Variants in KIAA1217 observed in about 807,000 individuals in gnomAD.
KIAA1217 encodes the protein KIAA1217, also known as sickle tail protein homolog.
In KIAA1217, 88 loss-of-function variants were observed where a neutral mutation model predicts 163.9. The ratio of observed to expected loss-of-function variants is 0.54; its 90% CI spans 0.45 to 0.64. The LOEUF is 0.64. Among genes scored for constraint, KIAA1217 ranks in the 30% least tolerant of loss-of-function variants. The probability of loss-of-function intolerance (pLI) is 0.00; values close to 1 mark genes in which losing one functional copy is unlikely to be tolerated. For synonymous variants in KIAA1217, 903 were observed against 923.1 expected (o/e 0.98, Z 0.39); for missense variants, 2,372 against 2,475.0 (o/e 0.96, Z 0.88).
At chr10:24,494,107 C>T (rs1041474959) in intron 6 of KIAA1217, among the ~76,000 whole-genome samples, 1 of 152,200 alleles carries the variant, frequency 6.6e-6, no homozygotes, top group African/African-American at 2.4e-5. Context: ...AGGTGTACGG[C>T]ATAGAAATGT....
rs933152140 is a variant in KIAA1217, at chr10:24,473,650, A to G, written c.1269A>G (p.Ala423=). 1.2e-6 allele frequency: 2 copies of G among 1,614,148 alleles called. No homozygotes were observed. Among genetic ancestry groups the G allele is most frequent in the Admixed American group, 3.3e-5 (2 of 60,024 alleles). ...HPLDVPDHII[A]YHRTAIRSAS... ...TGGATGTCCCCGACCACATCATTGC[A>G]TATCACCGCACCGCCATCCGGTCAG... is the stretch of plus-strand genomic sequence containing the variant. Residue 423 remains alanine, a synonymous_variant, in exon 6 of 21, where the codon GCA becomes GCG. Coordinates refer to ENST00000376454, the MANE Select transcript of KIAA1217 (RefSeq NM_019590.5).
chr10:24,174,179 A>G (rs1271809451), intron 2 of KIAA1217, among the ~76,000 whole-genome samples: 1 of 152,238 alleles, frequency 6.6e-6, no homozygotes, highest in East Asian at 1.9e-4. Flanking sequence ...GAATGGCAAT[A>G]GGACATGGAG....
At chr10:24,333,567 T>C (rs148936374) in intron 2 of KIAA1217, among the ~76,000 whole-genome samples, 1 of 152,332 alleles carries the variant, frequency 6.6e-6, no homozygotes, top group African/African-American at 2.4e-5. Flanking sequence ...TGGGTTTCTT[T>C]CTTAGCCCTG....
chr10:24,518,382 C>T (rs74816177), intron 10 of KIAA1217, among the ~76,000 whole-genome samples: 4,236 of 152,234 alleles, frequency 0.028, 75 homozygotes, highest in South Asian at 0.068. Flanking sequence ...TATCAATATA[C>T]ATTTCTGTAT....
intron 2 of KIAA1217, among the ~76,000 whole-genome samples, chr10:24,106,176 C>A (rs766492625): frequency 6.6e-6 from 1 of 151,990 alleles, no homozygotes; most frequent in Non-Finnish European, 1.5e-5. Flanking sequence ...AGTTGTCTGC[C>A]GTTGCCTCCT....
chr10:23,705,971 A>G (rs1165597857), intron 1 of KIAA1217, among the ~76,000 whole-genome samples: 2 of 152,140 alleles, frequency 1.3e-5, no homozygotes, highest in African/African-American at 4.8e-5. Flanking sequence ...TACATTTTAC[A>G]TAAATTTTGT....
intron 1 of KIAA1217, among the ~76,000 whole-genome samples, chr10:23,811,814 C>T (rs1187805124): frequency 6.6e-6 from 1 of 152,086 alleles, no homozygotes; most frequent in East Asian, 1.9e-4. Context: ...TCTCAGGTTT[C>T]TAAACCTGCT....
At chr10:24,073,755 G>A (rs937259192) in intron 2 of KIAA1217, among the ~76,000 whole-genome samples, 4 of 152,100 alleles carry the variant, frequency 2.6e-5, no homozygotes, top group African/African-American at 9.7e-5. Flanking sequence ...ACCAACTGGG[G>A]GAACTTCATG....
chr10:24,251,832 G>C, intron 2 of KIAA1217, among the ~76,000 whole-genome samples: 1 of 141,828 alleles, frequency 7.1e-6, no homozygotes, highest in East Asian at 2.1e-4. Context: ...AAGTCACTTG[G>C]TCCAAGTAAG....
chr10:23,765,187 C>CTCTTTTTTT (rs1834448899), intron 1 of KIAA1217, among the ~76,000 whole-genome samples: 4 of 75,356 alleles, frequency 5.3e-5, no homozygotes, highest in Non-Finnish European at 7.0e-5. Context: ...TTTTTGTTCT[C>CTCTTTTTTT]TTTTTTTTTT....
At chr10:24,060,089 C>G (rs2060665487) in intron 2 of KIAA1217, among the ~76,000 whole-genome samples, 1 of 151,772 alleles carries the variant, frequency 6.6e-6, no homozygotes, top group Admixed American at 6.6e-5. Flanking sequence ...TTTTCTTAGT[C>G]TAGCTAAAGG....
chr10:24,154,827 T>A (rs1564765128), intron 2 of KIAA1217, among the ~76,000 whole-genome samples: 2 of 151,424 alleles, frequency 1.3e-5, no homozygotes, highest in African/African-American at 2.4e-5. Flanking sequence ...GAATACTCCT[T>A]GAGGAAGGAG....
rs193101174 is a variant in KIAA1217, at chr10:24,247,351, T to C, written c.354+27442T>C. ...TGTTTTGCCCAGGCTGGTCTCGAAC[T>C]CCTCCTGGTCTCAAGCAATCCTCTC... is the stretch of plus-strand genomic sequence containing the variant. On this transcript the variant is annotated intron_variant, in intron 2 of 20. Coordinates refer to ENST00000376454, the MANE Select transcript of KIAA1217 (RefSeq NM_019590.5). Among the ~76,000 whole-genome samples the C allele has an allele frequency of 1.1e-4, 16 of 152,240 alleles. No homozygotes were observed. The East Asian group carries it at 3.1e-3, about 29-fold the overall frequency.
intron 2 of KIAA1217, among the ~76,000 whole-genome samples, chr10:24,283,905 C>CTT (rs144451438): frequency 2.3e-5 from 3 of 130,108 alleles, no homozygotes; most frequent in African/African-American, 5.2e-5. Context: ...TTTTCTTTTC[C>CTT]TTTATTTTTT....
At chr10:23,799,437 A>G (rs1416904640) in intron 1 of KIAA1217, among the ~76,000 whole-genome samples, 2 of 152,182 alleles carry the variant, frequency 1.3e-5, no homozygotes, top group South Asian at 2.1e-4. Context: ...AGTTGCTGCT[A>G]TTGTAATTGC....
At chr10:24,440,286 T>A (rs1367712018) in intron 5 of KIAA1217, among the ~76,000 whole-genome samples, 2 of 152,236 alleles carry the variant, frequency 1.3e-5, no homozygotes, top group Admixed American at 6.5e-5. Context: ...GACTAAATAT[T>A]ACAGCACCAT....
chr10:23,754,256 T>G (rs887944320), intron 1 of KIAA1217, among the ~76,000 whole-genome samples: 8 of 152,112 alleles, frequency 5.3e-5, no homozygotes, highest in Non-Finnish European at 1.2e-4. Flanking sequence ...GAGACAATCA[T>G]GTCAAAAAAG....
chr10:23,756,770 A>C (rs1212418660), intron 1 of KIAA1217, among the ~76,000 whole-genome samples: 2 of 152,256 alleles, frequency 1.3e-5, no homozygotes, highest in African/African-American at 4.8e-5. Flanking sequence ...CATGTATAAC[A>C]TAACATAATT....
intron 1 of KIAA1217, among the ~76,000 whole-genome samples, chr10:23,939,059 G>T (rs549951251): frequency 6.6e-6 from 1 of 152,242 alleles, no homozygotes; most frequent in South Asian, 2.1e-4. Context: ...ATAGTAGATA[G>T]GTTGTGCTAA....
Sources: gnomAD v4.1 joint callset for allele counts (sites outside exome capture counted in the v4.1 genomes callset) on GRCh38, gnomAD v4.1.1 for gene constraint, MANE v1.5 for transcripts, NCBI Gene and HGNC (gene_info 2026-07-23, HGNC 2026-07-21) for gene names.